Variants in EPN3 observed in about 807,000 individuals in gnomAD.
The protein encoded by EPN3 is epsin 3.
EPN3 carries 56 observed loss-of-function variants against 55.5 expected under a neutral mutation model. The ratio of observed to expected loss-of-function variants is 1.01; its 90% confidence interval spans 0.81 to 1.26. The LOEUF is 1.26. Among genes scored for constraint, EPN3 ranks in the 50% most tolerant of loss-of-function variants. The pLI is 0.00. For missense variants in EPN3, 927 were observed against 853.4 expected, an observed-to-expected ratio of 1.09 and a Z score of -1.07; for synonymous variants, 449 against 375.2, an observed-to-expected ratio of 1.20 and a Z score of -2.27.
Position 50,538,889 on chromosome 17 carries a change from C to T in EPN3, c.687C>T (p.Val229=), listed in dbSNP as rs753556949. 7 of 1,599,020 alleles carry T rather than the reference C, an allele frequency of 4.4e-6. No individual in the cohort carries two copies. In the South Asian group the frequency reaches 7.8e-5, roughly 18 times the overall value. ...ACCCCTCTCTTCCTCCGCAGCCTGT[C>T]CCCCCAGCCTCCCACAGGGACGAGG... ...AMSREEAEKP[V]PPASHRDEDL... Residue 229 remains valine, a synonymous_variant, in exon 4 of 10, where the codon GTC becomes GTT. Transcript: ENST00000268933.
chr17:50,542,178 G>T lies in EPN3; in HGVS notation c.*21G>T, dbSNP rs965854386. The stretch of plus-strand genomic sequence containing the variant: ...TCTGAGCCCCGCCCCGTCCCATACC[G>T]GCCTGCGCCTGCGCCGGACGCTCCG... On this transcript the variant is annotated 3_prime_UTR_variant, in exon 10 of 10. Coordinates refer to ENST00000268933, the MANE Select transcript of EPN3 (RefSeq NM_017957.3). 41 of 1,461,156 alleles carry T rather than the reference G, an allele frequency of 2.8e-5. No homozygotes were observed. The highest frequency in any genetic ancestry group is 3.3e-5 in the Non-Finnish European group (37 of 1,116,544). 90.5% of individuals were successfully genotyped at this position (1,461,156 alleles called of 1,614,324 possible).
In EPN3 at chr17:50,541,538, G is replaced by C; in HGVS notation, c.1429G>C (p.Gly477Arg). Residue 477 changes from glycine (G) to arginine (R), a missense_variant, in exon 9 of 10, where the codon GGC becomes CGC. Transcript: ENST00000268933. ...GTKEPDALDL[G>R]ILGEALTQPS... ...GAAGGAGCCAGATGCCCTGGACCTG[G>C]GCATACTAGGGGAAGCACTAACCCA... 4 of 1,614,180 alleles carry C rather than the reference G, an allele frequency of 2.5e-6. No homozygotes were observed. The highest frequency in any genetic ancestry group is 3.4e-6 in the Non-Finnish European group (4 of 1,180,038).
chr17:50,533,822 G>T (rs571745665), intron 1 of EPN3, among the ~76,000 whole-genome samples: 54 of 151,826 alleles, frequency 3.6e-4, no homozygotes, highest in Non-Finnish European at 6.2e-4. Context: ...CGTCATCTCT[G>T]AATTCTCAGG....
chr17:50,539,830 T>C (rs751314297), intron 5 of EPN3, among the ~76,000 whole-genome samples: 1 of 152,194 alleles, frequency 6.6e-6, no homozygotes, highest in Non-Finnish European at 1.5e-5. Context: ...TTTCCGTCCA[T>C]GTTCACTGTG....
intron 6 of EPN3, 54 bp downstream of exon 6, chr17:50,540,388 TC>T: frequency 2.0e-6 from 3 of 1,517,226 alleles, no homozygotes; most frequent in East Asian, 2.3e-5. Flanking sequence ...GCCTCCTCCT[TC>T]CCAGCCACTT....
chr17:50,540,670 G>C, intron 6 of EPN3, 123 bp from the exon 7 acceptor site: 1 of 1,318,772 alleles, frequency 7.6e-7, no homozygotes, highest in Non-Finnish European at 1.0e-6. Flanking sequence ...GGGTGGTCCT[G>C]AGGCTGCAGG....
Position 50,537,051 on chromosome 17 carries a change from G to T in EPN3, c.495G>T (p.Gln165His). Residue 165 changes from glutamine to histidine, a missense_variant, in exon 2 of 10, where the codon CAG (glutamine) becomes CAT (histidine). Coordinates refer to ENST00000268933, the MANE Select transcript of EPN3 (RefSeq NM_017957.3). ...AGGGCATCGGCATTGGCAGTGGGCA[G>T]CTGGGCTTCAGCCGCCGCTACGGCG... ...ALEGIGIGSG[Q>H]LGFSRRYGED... 1 of 1,611,994 alleles carries T rather than the reference G, an allele frequency of 6.2e-7. No homozygotes were observed. The highest frequency in any genetic ancestry group is 8.5e-7 in the Non-Finnish European group (1 of 1,179,758).
At chr17:50,537,178 C>A in intron 2 of EPN3, 60 bp downstream of exon 2, 1 of 1,460,984 alleles carries the variant, frequency 6.8e-7, no homozygotes, top group Non-Finnish European at 9.1e-7. Flanking sequence ...ATTCCTGGCT[C>A]TGCAATCCAA....
At chr17:50,538,361 A>AGGCAGTCC in intron 3 of EPN3, 164 bp downstream of exon 3, 1 of 602,418 alleles carries the variant, frequency 1.7e-6, no homozygotes. Context: ...GCAGGCAGGG[A>AGGCAGTCC]CTGCCTCCCT....
intron 2 of EPN3, 41 bp from the exon 3 acceptor site, chr17:50,538,038 T>A (rs368004343): frequency 1.7e-5 from 25 of 1,501,350 alleles, no homozygotes; most frequent in Non-Finnish European, 2.3e-5. Flanking sequence ...TGGGAGCCGA[T>A]GGGTAATCGT....
At chr17:50,533,100 C>A in intron 1 of EPN3, 115 bp downstream of exon 1, 1 of 633,274 alleles carries the variant, frequency 1.6e-6, no homozygotes, top group Non-Finnish European at 2.3e-6. Flanking sequence ...AGGGAGAAGG[C>A]TGAGCTGTAG....
At chr17:50,536,354 T>A in intron 1 of EPN3, 67 bp from the exon 2 acceptor site, 1 of 1,337,428 alleles carries the variant, frequency 7.5e-7, no homozygotes, top group Non-Finnish European at 9.9e-7. Flanking sequence ...CTCATTTAGT[T>A]GGTCAGTGGC....
At chr17:50,534,754 G>A (rs889711449) in intron 1 of EPN3, 19 of 699,842 alleles carry the variant, frequency 2.7e-5, no homozygotes, top group Admixed American at 1.9e-4. Context: ...TTTTCAAAGC[G>A]TGGGGCTGCT....
In EPN3 at chr17:50,541,291, C is replaced by T. The variant is rs779455521; in HGVS notation, c.1312C>T (p.Leu438=). Residue 438 remains leucine, a synonymous_variant, in exon 8 of 10, where the codon CTG becomes TTG. Transcript: ENST00000268933. The stretch of plus-strand genomic sequence containing the variant: ...AGAATCCACAGAGACCAAGGAGGGG[C>T]TGGAGCAGGCCCTGCCCTCTGGGAA... ...PPESTETKEG[L]EQALPSGKPS... 3.1e-6 allele frequency: 5 copies of T among 1,613,224 alleles called. No homozygotes were observed. In the African/African-American group the frequency reaches 6.7e-5, roughly 22 times the overall value.
At chr17:50,533,374 T>G (rs529932485) in intron 1 of EPN3, among the ~76,000 whole-genome samples, 1 of 152,176 alleles carries the variant, frequency 6.6e-6, no homozygotes, top group East Asian at 1.9e-4. Context: ...GCCAGAAGCT[T>G]AGAGTTCAAG....
chr17:50,533,944 C>T (rs1276134411), intron 1 of EPN3, among the ~76,000 whole-genome samples: 1 of 152,244 alleles, frequency 6.6e-6, no homozygotes, highest in African/African-American at 2.4e-5. Context: ...ACCGCCTTAT[C>T]GGCCGCTGGG....
rs564800488 is a variant in EPN3 at position 50,533,285 on chromosome 17, C to T, written c.-137+300C>T. Among the ~76,000 whole-genome samples, 8 of 152,276 alleles carry T rather than the reference C, an allele frequency of 5.3e-5. No individual in the cohort carries two copies. The South Asian group carries it at 1.7e-3, about 32-fold the overall frequency. On this transcript the variant is annotated intron_variant, in intron 1 of 9. Transcript: ENST00000268933. Reference sequence around the variant, plus strand: ...ATCTCTGCTGTTTCCTCTTCTTCAGCCCCTCATGCACACCTCTAGCCTCAG... The same window carrying T: ...ATCTCTGCTGTTTCCTCTTCTTCAGTCCCTCATGCACACCTCTAGCCTCAG...
intron 6 of EPN3, 78 bp from the exon 7 acceptor site, chr17:50,540,715 G>A (rs946015963): frequency 6.7e-7 from 1 of 1,502,592 alleles, no homozygotes; most frequent in Non-Finnish European, 8.9e-7. Context: ...CTCCCAACTT[G>A]GGCTGGGTAA....
chr17:50,537,434 C>G, intron 2 of EPN3: 1 of 407,944 alleles, frequency 2.5e-6, no homozygotes, highest in Non-Finnish European at 4.5e-6. Flanking sequence ...CCTGGGCAAC[C>G]AGTTCTCTGA....
Sources: gnomAD v4.1 joint callset for allele counts (sites outside exome capture counted in the v4.1 genomes callset) on GRCh38, gnomAD v4.1.1 for gene constraint, MANE v1.5 for transcripts, NCBI Gene and HGNC (gene_info 2026-07-23, HGNC 2026-07-21) for gene names.